The following ST8SIA6 variants were observed in gnomAD, a reference collection of about 807,000 sequenced individuals.
ST8SIA6 encodes ST8 alpha-N-acetyl-neuraminide alpha-2,8-sialyltransferase 6, also known as alpha-2,8-sialyltransferase 8F.
A neutral mutation model predicts 33.6 loss-of-function variants in ST8SIA6; 39 were observed. That is an observed-to-expected ratio of 1.16 (90% confidence interval 0.90 to 1.52). The LOEUF is 1.52. Ranked by LOEUF, ST8SIA6 falls within the 40% of genes most tolerant of loss-of-function variation. ST8SIA6 has a pLI of 0.00. For synonymous variants in ST8SIA6, 172 were observed against 167.2 expected (o/e 1.03, Z -0.22); for missense variants, 441 against 443.8 (o/e 0.99, Z 0.06).
chr10:17,436,755 C>G (rs1852275615), intron 2 of ST8SIA6, among the ~76,000 whole-genome samples: 2 of 151,856 alleles, frequency 1.3e-5, no homozygotes, highest in Non-Finnish European at 2.9e-5. Context: ...GTCACATTTT[C>G]TTAATCCAGT....
chr10:17,375,054 A>C (rs1849865940), intron 3 of ST8SIA6, among the ~76,000 whole-genome samples: 1 of 151,902 alleles, frequency 6.6e-6, no homozygotes, highest in South Asian at 2.1e-4. Flanking sequence ...CTCCAGCCTT[A>C]GCCTCCGAAA....
At chr10:17,432,465 A>C (rs1400570470) in intron 2 of ST8SIA6, among the ~76,000 whole-genome samples, 1 of 151,962 alleles carries the variant, frequency 6.6e-6, no homozygotes, top group East Asian at 1.9e-4. Context: ...GAATTTCAAG[A>C]GACTACCTGC....
intron 2 of ST8SIA6, chr10:17,403,726 AT>A (rs1851135796): frequency 6.6e-6 from 1 of 152,138 alleles, no homozygotes; most frequent in Non-Finnish European, 1.5e-5. Flanking sequence ...TAATATTAAT[AT>A]CCACATTCCC....
intron 4 of ST8SIA6, 105 bp from the exon 5 acceptor site, chr10:17,331,657 CA>C: frequency 1.7e-6 from 2 of 1,154,806 alleles, no homozygotes; most frequent in Non-Finnish European, 2.3e-6. Context: ...AACTGACTTT[CA>C]AAAAGAAGAT....
intron 2 of ST8SIA6, among the ~76,000 whole-genome samples, chr10:17,424,612 A>G (rs1851877165): frequency 6.6e-6 from 1 of 152,184 alleles, no homozygotes; most frequent in Non-Finnish European, 1.5e-5. Context: ...CGACAGGTCT[A>G]ATATGAGATT....
intron 3 of ST8SIA6, among the ~76,000 whole-genome samples, chr10:17,368,817 A>G (rs1330009379): frequency 6.6e-6 from 1 of 152,158 alleles, no homozygotes; most frequent in Non-Finnish European, 1.5e-5. Context: ...GGGACACGAA[A>G]TGATGTGGGT....
At chr10:17,443,658 A>G (rs1408233214) in intron 2 of ST8SIA6, among the ~76,000 whole-genome samples, 1 of 152,220 alleles carries the variant, frequency 6.6e-6, no homozygotes, top group Non-Finnish European at 1.5e-5. Flanking sequence ...ACTTGGTGAA[A>G]AATCATAATA....
At chr10:17,402,129 G>A (rs1851067629) in intron 2 of ST8SIA6, among the ~76,000 whole-genome samples, 1 of 152,142 alleles carries the variant, frequency 6.6e-6, no homozygotes. Flanking sequence ...GATATGAACA[G>A]ACACTTCTCA....
At chr10:17,449,794 A>T (rs928941792) in intron 2 of ST8SIA6, among the ~76,000 whole-genome samples, 1 of 152,206 alleles carries the variant, frequency 6.6e-6, no homozygotes, top group African/African-American at 2.4e-5. Context: ...AGTCAGTAGG[A>T]GCAGAAGAGC....
At position 17,331,565 on chromosome 10, in the gene ST8SIA6, A is replaced by G. The variant is rs1447025118; in HGVS notation, c.378-13T>C. 7 of 1,591,970 alleles carry G rather than the reference A, an allele frequency of 4.4e-6. No individual in the cohort carries two copies. The highest frequency in any genetic ancestry group is 6.0e-6 in the Non-Finnish European group (7 of 1,172,796). On this transcript the variant is annotated splice_polypyrimidine_tract_variant and intron_variant, in intron 4 of 7. Coordinates refer to ENST00000377602, the MANE Select transcript of ST8SIA6 (RefSeq NM_001004470.3). Reference sequence around the variant, plus strand: ...AGCAAGTTTGGCTCTGCAAAGGAAAAGGATGAAAAGGAAGCCAAAGTATAA... The same window carrying G: ...AGCAAGTTTGGCTCTGCAAAGGAAAGGGATGAAAAGGAAGCCAAAGTATAA...
intron 2 of ST8SIA6, among the ~76,000 whole-genome samples, chr10:17,453,175 G>A (rs999000323): frequency 2.1e-5 from 3 of 145,910 alleles, no homozygotes; most frequent in Non-Finnish European, 4.5e-5. Flanking sequence ...GCCCTTTAAA[G>A]CATAGAAAAG....
At chr10:17,336,924 C>G (rs1462052724) in intron 4 of ST8SIA6, among the ~76,000 whole-genome samples, 1 of 152,086 alleles carries the variant, frequency 6.6e-6, no homozygotes, top group East Asian at 1.9e-4. Flanking sequence ...AGACTTCTTT[C>G]ACTCAGCCTA....
intron 2 of ST8SIA6, among the ~76,000 whole-genome samples, chr10:17,431,026 A>G (rs553996578): frequency 3.3e-5 from 5 of 152,328 alleles, no homozygotes; most frequent in East Asian, 3.9e-4. Flanking sequence ...CCAGAAGCCA[A>G]GGCTGAGCAT....
At chr10:17,390,699 A>C (rs1454029531) in intron 2 of ST8SIA6, 79 bp from the exon 3 acceptor site, 2 of 1,198,882 alleles carry the variant, frequency 1.7e-6, no homozygotes, top group Non-Finnish European at 2.4e-6. Context: ...AATCAGATTT[A>C]ATTGATAAAG....
In ST8SIA6 at chr10:17,454,311, C is replaced by A. The variant is rs1279522881; in HGVS notation, c.-56G>T. The A allele has an allele frequency of 3.5e-4, 62 of 177,426 alleles. 2 individuals are homozygous for A. In the South Asian group the frequency reaches 5.6e-3, roughly 16 times the overall value. The allele number at this position is 177,426 out of a possible 1,614,324, so 11.0% of individuals were successfully genotyped here. A position where few individuals can be genotyped will look rare whatever the true frequency, so the allele number is the denominator to read the frequency against. ...CTGCCGGGGCGAAGCACAGCCCGGG[C>A]GGCCCCGACTCGCGGCTCCCGCCGC... On this transcript the variant is annotated 5_prime_UTR_variant, in exon 1 of 8. Coordinates refer to ENST00000377602, the MANE Select transcript of ST8SIA6 (RefSeq NM_001004470.3). This position sits in a 1 kb window ranked among gnomAD's most constrained non-coding sequence, Gnocchi z 4.1.
intron 4 of ST8SIA6, among the ~76,000 whole-genome samples, chr10:17,346,591 C>G (rs1848841899): frequency 6.6e-6 from 1 of 152,052 alleles, no homozygotes; most frequent in South Asian, 2.1e-4. Flanking sequence ...GAGATCCTGT[C>G]TCAAAAACAG....
chr10:17,439,115 A>T (rs1057380389), intron 2 of ST8SIA6, among the ~76,000 whole-genome samples: 4 of 152,192 alleles, frequency 2.6e-5, no homozygotes, highest in African/African-American at 7.2e-5. Flanking sequence ...TTCAAGTTGA[A>T]AATGCTATCT....
At chr10:17,441,641 G>C (rs1852498966) in intron 2 of ST8SIA6, among the ~76,000 whole-genome samples, 1 of 151,890 alleles carries the variant, frequency 6.6e-6, no homozygotes, top group Non-Finnish European at 1.5e-5. Context: ...TGCTTATAGA[G>C]ATCCCATTGT....
chr10:17,330,698 T>C (rs1414172554), intron 5 of ST8SIA6, among the ~76,000 whole-genome samples: 1 of 152,204 alleles, frequency 6.6e-6, no homozygotes, highest in African/African-American at 2.4e-5. Context: ...TATGGCCTAA[T>C]TGTTTTTTAA....
Sources: allele counts gnomAD v4.1 joint callset (sites outside exome capture counted in the v4.1 genomes callset), GRCh38; gene constraint gnomAD v4.1.1; non-coding constraint Gnocchi (gnomAD v3.1); transcripts MANE v1.5; gene names NCBI Gene and HGNC (gene_info 2026-07-23, HGNC 2026-07-21).